Variants in CLN6 observed in about 807,000 individuals in gnomAD.
The protein encoded by CLN6 is ceroid-lipofuscinosis neuronal protein 6.
Under a neutral mutation model 33.3 loss-of-function variants are expected in CLN6, and 22 were observed. The observed-to-expected ratio is 0.66, with a 90% CI of 0.47 to 0.94. The LOEUF is 0.94. Among genes scored for constraint, CLN6 ranks in the 40% least tolerant of loss-of-function variants. The pLI is 0.00. For missense variants in CLN6, 387 were observed against 417.1 expected, an observed-to-expected ratio of 0.93 and a Z score of 0.63; for synonymous variants, 201 against 174.6, an observed-to-expected ratio of 1.15 and a Z score of -1.19.
chr15:68,212,038 CT>C, intron 3 of CLN6, 175 bp from the exon 4 acceptor site: 1 of 641,752 alleles, frequency 1.6e-6, no homozygotes, highest in Non-Finnish European at 2.7e-6. Context: ...CCCGTGACCC[CT>C]ATGAACCCCG....
chr15:68,253,906 C>T (rs1435681281), intron 1 of CLN6, among the ~76,000 whole-genome samples: 1 of 144,948 alleles, frequency 6.9e-6, no homozygotes, highest in Non-Finnish European at 1.5e-5. Flanking sequence ...CTCGCTCTGT[C>T]GCCCAGGCTG....
upstream of CLN6, among the ~76,000 whole-genome samples, chr15:68,234,488 A>G (rs1478733350): frequency 6.6e-6 from 1 of 152,130 alleles, no homozygotes; most frequent in Non-Finnish European, 1.5e-5. This position sits in a 1 kb window ranked among gnomAD's most constrained non-coding sequence, Gnocchi z 4.1. Flanking sequence ...AAGCCCTAAT[A>G]TAGGGCTCTA....
chr15:68,213,550 C>T (rs2093212083), intron 3 of CLN6: 1 of 151,068 alleles, frequency 6.6e-6, no homozygotes, highest in African/African-American at 2.4e-5. Flanking sequence ...CCAATTTTTT[C>T]TATTTTTAAT....
chr15:68,225,645 C>T (rs1299571129), intron 1 of CLN6, among the ~76,000 whole-genome samples: 2 of 152,150 alleles, frequency 1.3e-5, no homozygotes, highest in African/African-American at 4.8e-5. Flanking sequence ...TGCTGTCACA[C>T]ATGGCTAATT....
chr15:68,229,860 G>T (rs2093265242), upstream of CLN6: 2 of 259,016 alleles, frequency 7.7e-6, no homozygotes, highest in Non-Finnish European at 1.4e-5. Context: ...GCGGGGCGGG[G>T]GCTGCTGGCC....
rs1386552751 is a variant in CLN6, at chr15:68,207,785, A to ACCAGAAGATGT, written c.*344_*354dup. The ACCAGAAGATGT allele has an allele frequency of 2.8e-6, 1 of 363,308 alleles. No individual in the cohort carries two copies. The highest frequency in any genetic ancestry group is 5.3e-6 in the Non-Finnish European group (1 of 189,136). The allele number at this position is 363,308 out of a possible 1,614,324, so 22.5% of individuals were successfully genotyped here. A position where few individuals can be genotyped will look rare whatever the true frequency, so the allele number is the denominator to read the frequency against. ...CCACCCAGCCCTCTCCTGCACGGCT[A>ACCAGAAGATGT]CCAGAAGATGTCCGGGAAGAACAGA... On this transcript the variant is annotated 3_prime_UTR_variant, in exon 7 of 7. Transcript: ENST00000249806.
rs980294188 is a variant in CLN6, at chr15:68,209,055, T to G, written c.665+582A>C. Among the ~76,000 whole-genome samples the G allele has an allele frequency of 4.6e-5, 7 of 152,142 alleles. No homozygotes were observed. Among genetic ancestry groups the G allele is most frequent in the Admixed American group, 4.6e-4 (7 of 15,282 alleles). ...GGGTGACCTGTCTCCAGGGCAGAAG[T>G]GACAGACGAGGGCTAGGAGACTGGC... On this transcript the variant is annotated intron_variant, in intron 6 of 6. Transcript: ENST00000249806. The surrounding 1 kb of genome is among the most constrained non-coding windows in gnomAD (Gnocchi z 4.9).
At chr15:68,224,639 A>AG (rs2093246962) in intron 1 of CLN6, among the ~76,000 whole-genome samples, 1 of 144,098 alleles carries the variant, frequency 6.9e-6, no homozygotes, top group African/African-American at 2.5e-5. Context: ...AAAAAAAAAA[A>AG]GATTAATCAG....
At chr15:68,231,070 A>G (rs2093267767), upstream of CLN6, among the ~76,000 whole-genome samples, 2 of 152,178 alleles carry the variant, frequency 1.3e-5, no homozygotes, top group Non-Finnish European at 1.5e-5. Flanking sequence ...GGTCTGAGCT[A>G]TGCCTATTTC....
Position 68,209,707 on chromosome 15 carries a change from C to A in CLN6, c.595G>T (p.Ala199Ser). ...LFMYFSGCFT[A>S]SKAESLIPGP... ...GGAATCAAGCTCTCAGCTTTAGAGGCAGTAAAGCAGCCGCTGAAGTACATG... is the reference window on the plus strand; with the variant it reads ...GGAATCAAGCTCTCAGCTTTAGAGGAAGTAAAGCAGCCGCTGAAGTACATG... Residue 199 changes from alanine to serine, a missense_variant, in exon 6 of 7, where the codon GCC (alanine) becomes TCC (serine). By Grantham distance (99) the Ala-to-Ser change is moderately conservative. Transcript: ENST00000249806. The surrounding 1 kb of genome is among the most constrained non-coding windows in gnomAD (Gnocchi z 4.9). 1.2e-6 allele frequency: 2 copies of A among 1,613,798 alleles called. No homozygotes were observed. The highest frequency in any genetic ancestry group is 1.7e-6 in the Non-Finnish European group (2 of 1,179,970).
chr15:68,238,039 C>T (rs576355948), intron 1 of CLN6, among the ~76,000 whole-genome samples: 2 of 152,008 alleles, frequency 1.3e-5, no homozygotes, highest in Non-Finnish European at 2.9e-5. Flanking sequence ...AGGAGAATTA[C>T]TTGAACCCAG....
rs1892287899 is a variant in CLN6 at position 68,242,451 on chromosome 15, A to G, written c.179+14239T>C. Among the ~76,000 whole-genome samples, 1 of 152,146 alleles carries G rather than the reference A, an allele frequency of 6.6e-6. No individual in the cohort carries two copies. The highest frequency in any genetic ancestry group is 6.5e-5 in the Admixed American group (1 of 15,272). On this transcript the variant is annotated intron_variant, in intron 1 of 6. Transcript: ENST00000538696. The surrounding 1 kb of genome is among the most constrained non-coding windows in gnomAD (Gnocchi z 5.0). ...TATGGGAAATTGCCTCAAAAGATCA[A>G]ATCTAATAATTATTGGTGTTCAAGA...
chr15:68,214,236 CA>C, intron 3 of CLN6, 53 bp downstream of exon 3: 3 of 1,326,474 alleles, frequency 2.3e-6, no homozygotes, highest in Non-Finnish European at 3.3e-6. Context: ...ACCTTCCTGC[CA>C]GGTGTGCAAA....
chr15:68,217,508 G>A (rs920058977), intron 2 of CLN6, among the ~76,000 whole-genome samples: 1 of 152,172 alleles, frequency 6.6e-6, no homozygotes, highest in African/African-American at 2.4e-5. Context: ...AGGATTATAG[G>A]CATGAGCCAC....
At chr15:68,249,815 C>G (rs1011144541) in intron 1 of CLN6, among the ~76,000 whole-genome samples, 1 of 152,126 alleles carries the variant, frequency 6.6e-6, no homozygotes, top group Non-Finnish European at 1.5e-5. Context: ...ACTCTGTTGC[C>G]CAGGCTGGAG....
Position 68,208,108 on chromosome 15 carries a change from C to CCAGCAGAG in CLN6, c.*24_*31dup. ...TGCCCTCCATGGCCCACCCTCCCAC[C>CCAGCAGAG]CAGCAGAGCGCCAGAGCCTGGTGCC... On this transcript the variant is annotated 3_prime_UTR_variant, in exon 7 of 7. Coordinates refer to ENST00000249806, the MANE Select transcript of CLN6 (RefSeq NM_017882.3). This position sits in a 1 kb window ranked among gnomAD's most constrained non-coding sequence, Gnocchi z 5.8. 2.5e-6 allele frequency: 4 copies of CCAGCAGAG among 1,588,910 alleles called. No homozygotes were observed. Among genetic ancestry groups the CCAGCAGAG allele is most frequent in the South Asian group, 2.3e-5 (2 of 88,870 alleles).
In CLN6 at chr15:68,229,524, C is replaced by T. The variant is rs916017530; in HGVS notation, c.61G>A (p.Gly21Ser). 2.0e-6 allele frequency: 3 copies of T among 1,467,088 alleles called. No individual in the cohort carries two copies. Among genetic ancestry groups the T allele is most frequent in the Admixed American group, 2.4e-5 (1 of 42,278 alleles). The allele number at this position is 1,467,088 out of a possible 1,614,324, so 90.9% of individuals were successfully genotyped here. ...GATGGPGAQLGASFLQARHGS... is the reference protein window; with the variant it reads ...GATGGPGAQLSASFLQARHGS... ...CACCTGGCCTGCAGGAAGGAGGCGC[C>T]CAGCTGCGCGCCTGGGCCGCCCGTC... Residue 21 changes from glycine (G) to serine (S), a missense_variant, in exon 1 of 7, where the codon GGC becomes AGC. Coordinates refer to ENST00000249806, the MANE Select transcript of CLN6 (RefSeq NM_017882.3).
Position 68,211,921 on chromosome 15 carries a change from C to T in CLN6, c.298-58G>A. The T allele has an allele frequency of 1.1e-5, 17 of 1,515,460 alleles. No homozygotes were observed. In the South Asian group the frequency reaches 1.8e-4, roughly 16 times the overall value. 93.9% of individuals were successfully genotyped at this position (1,515,460 alleles called of 1,614,324 possible). On this transcript the variant is annotated intron_variant, in intron 3 of 6. Coordinates refer to ENST00000249806, the MANE Select transcript of CLN6 (RefSeq NM_017882.3). The surrounding 1 kb of genome is among the most constrained non-coding windows in gnomAD (Gnocchi z 5.9). ...CCACCTCTGTCACAGTATGTGACAC[C>T]CTCTGCTTCCCCCCTCACACCTGGG... is the stretch of plus-strand genomic sequence containing the variant.
rs1267306837 is a variant in CLN6 at position 68,211,921 on chromosome 15, C to A, written c.298-58G>T. 19 of 1,515,338 alleles carry A rather than the reference C, an allele frequency of 1.3e-5. No homozygotes were observed. The highest frequency in any genetic ancestry group is 2.2e-4 in the Middle Eastern group (1 of 4,494). The allele number at this position is 1,515,338 out of a possible 1,614,324, so 93.9% of individuals were successfully genotyped here. On this transcript the variant is annotated intron_variant, in intron 3 of 6. Transcript: ENST00000249806. The surrounding 1 kb of genome is among the most constrained non-coding windows in gnomAD (Gnocchi z 5.9). Reference sequence around the variant, plus strand: ...CCACCTCTGTCACAGTATGTGACACCCTCTGCTTCCCCCCTCACACCTGGG... The same window carrying A: ...CCACCTCTGTCACAGTATGTGACACACTCTGCTTCCCCCCTCACACCTGGG...
Sources: gnomAD v4.1 joint callset for allele counts (sites outside exome capture counted in the v4.1 genomes callset) on GRCh38, gnomAD v4.1.1 for gene constraint, Gnocchi (gnomAD v3.1) non-coding constraint, MANE v1.5 for transcripts, NCBI Gene and HGNC (gene_info 2026-07-23, HGNC 2026-07-21) for gene names.